The following GABRB1 variants were observed in gnomAD, a reference collection of about 807,000 sequenced individuals.
GABRB1 encodes the protein gamma-aminobutyric acid type A receptor subunit beta1, also known as gamma-aminobutyric acid receptor subunit beta-1.
Under a neutral mutation model 51.6 loss-of-function variants are expected in GABRB1, and 17 were observed. The ratio of observed to expected loss-of-function variants is 0.33; its 90% CI spans 0.23 to 0.49. The LOEUF (loss-of-function observed/expected upper bound fraction) is 0.49. GABRB1 is among the 20% of genes least tolerant of loss of function. The pLI is 0.99. For missense variants in GABRB1, 410 were observed against 600.6 expected (o/e 0.68, Z 3.32); for synonymous variants, 247 against 218.9 (o/e 1.13, Z -1.14).
intron 5 of GABRB1, among the ~76,000 whole-genome samples, chr4:47,397,054 T>C (rs1728200611): frequency 6.6e-6 from 1 of 152,326 alleles, no homozygotes; most frequent in South Asian, 2.1e-4. Context: ...CATTAACCCT[T>C]GTCTTAAATA....
At chr4:47,264,824 AG>A (rs1029568542) in intron 4 of GABRB1, among the ~76,000 whole-genome samples, 2 of 152,174 alleles carry the variant, frequency 1.3e-5, no homozygotes, top group African/African-American at 4.8e-5. Context: ...CTCTTTGCCC[AG>A]GACCTTCAAG....
intron 5 of GABRB1, among the ~76,000 whole-genome samples, chr4:47,350,620 G>T (rs1385448232): frequency 6.6e-6 from 1 of 151,582 alleles, no homozygotes; most frequent in Non-Finnish European, 1.5e-5. Flanking sequence ...ATTATATCAA[G>T]ATAGAAAAAA....
At chr4:47,051,782 A>G (rs560476523) in intron 3 of GABRB1, among the ~76,000 whole-genome samples, 1 of 152,308 alleles carries the variant, frequency 6.6e-6, no homozygotes, top group African/African-American at 2.4e-5. Context: ...TAAAGGCTTC[A>G]GGTTAATTTA....
At chr4:47,205,976 C>G (rs1720101705) in intron 4 of GABRB1, among the ~76,000 whole-genome samples, 1 of 151,880 alleles carries the variant, frequency 6.6e-6, no homozygotes, top group Non-Finnish European at 1.5e-5. Flanking sequence ...TTAGCTAAGA[C>G]CTTACAGGTT....
intron 1 of GABRB1, among the ~76,000 whole-genome samples, chr4:47,019,623 C>CTT (rs1724853312): frequency 1.2e-4 from 12 of 96,396 alleles, no homozygotes; most frequent in Admixed American, 3.1e-4. Context: ...CTTTCTTTCT[C>CTT]TCTCTTTCTT....
chr4:47,114,029 C>T (rs182195776), intron 3 of GABRB1, among the ~76,000 whole-genome samples: 3 of 152,266 alleles, frequency 2.0e-5, no homozygotes, highest in South Asian at 2.1e-4. Flanking sequence ...CTTCTGCTTC[C>T]GTGGTTAGGG....
chr4:47,192,650 A>G (rs1719485562), intron 4 of GABRB1, among the ~76,000 whole-genome samples: 1 of 152,190 alleles, frequency 6.6e-6, no homozygotes, highest in South Asian at 2.1e-4. Flanking sequence ...GGAATGTGAG[A>G]TTTTGCTCTC....
At chr4:47,099,676 G>A (rs976392795) in intron 3 of GABRB1, among the ~76,000 whole-genome samples, 2 of 151,910 alleles carry the variant, frequency 1.3e-5, no homozygotes, top group Non-Finnish European at 2.9e-5. Context: ...ATCACACCTG[G>A]GGAAAAGTCT....
intron 3 of GABRB1, among the ~76,000 whole-genome samples, chr4:47,036,248 CTGT>C (rs1438631791): frequency 2.0e-5 from 3 of 152,258 alleles, no homozygotes; most frequent in South Asian, 2.1e-4. Flanking sequence ...TTCACTGTTT[CTGT>C]TGTTGTGGTT....
At chr4:47,396,038 C>T (rs1397630875) in intron 5 of GABRB1, among the ~76,000 whole-genome samples, 1 of 152,124 alleles carries the variant, frequency 6.6e-6, no homozygotes, top group East Asian at 1.9e-4. Flanking sequence ...AACCACTCTT[C>T]TGTCGGAGGA....
intron 3 of GABRB1, among the ~76,000 whole-genome samples, chr4:47,040,384 A>G (rs1009056798): frequency 1.3e-5 from 2 of 152,132 alleles, no homozygotes; most frequent in East Asian, 1.9e-4. Context: ...AGTACTTTCC[A>G]TAGGAATAGA....
intron 3 of GABRB1, among the ~76,000 whole-genome samples, chr4:47,061,418 G>A (rs112610117): frequency 3.2e-4 from 48 of 152,168 alleles, no homozygotes; most frequent in African/African-American, 1.2e-3. Context: ...GGGAAAAGAG[G>A]GCTGGTTGAG....
intron 4 of GABRB1, among the ~76,000 whole-genome samples, chr4:47,210,163 C>T (rs1397862580): frequency 6.6e-6 from 1 of 151,956 alleles, no homozygotes; most frequent in Non-Finnish European, 1.5e-5. Context: ...AAAAGAATAC[C>T]TATTAATGGT....
intron 8 of GABRB1, among the ~76,000 whole-genome samples, chr4:47,414,163 A>G (rs1728843092): frequency 6.6e-6 from 1 of 152,250 alleles, no homozygotes; most frequent in Non-Finnish European, 1.5e-5. Context: ...CCAAAGATTC[A>G]TTCTGTGAAC....
At chr4:47,037,557 GTT>G (rs11436333) in intron 3 of GABRB1, among the ~76,000 whole-genome samples, 1 of 143,796 alleles carries the variant, frequency 7.0e-6, no homozygotes, top group Non-Finnish European at 1.5e-5. Flanking sequence ...GTTGTTTTTT[GTT>G]TTTTTTTTTT....
intron 5 of GABRB1, among the ~76,000 whole-genome samples, chr4:47,390,515 A>G (rs1419526639): frequency 6.6e-6 from 1 of 152,234 alleles, no homozygotes; most frequent in Non-Finnish European, 1.5e-5. Context: ...ATACTTCTAC[A>G]ATTGTACTAA....
In GABRB1 at chr4:47,406,880, A is replaced by T. The variant is rs1728590964; in HGVS notation, c.1034A>T (p.Asp345Val). The change falls in exon 8 of 9, where the codon GAC becomes GTC. Residue 345 changes from aspartate (D) to valine (V), a missense_variant. Coordinates refer to ENST00000295454, the MANE Select transcript of GABRB1 (RefSeq NM_000812.4). ...CAGAAAAAGGGAGCTAGCAAACAAG[A>T]CCAGAGTGCCAATGAGAAGAATAAA... The part of the protein sequence containing the change: ...GPQKKGASKQ[D>V]QSANEKNKLE... 1 of 1,614,012 alleles carries T rather than the reference A, an allele frequency of 6.2e-7. No homozygotes were observed. Among genetic ancestry groups the T allele is most frequent in the South Asian group, 1.1e-5 (1 of 91,082 alleles).
chr4:47,154,287 C>T (rs12501039), intron 3 of GABRB1, among the ~76,000 whole-genome samples: 100,297 of 143,556 alleles, frequency 0.7, 35,028 homozygotes, highest in Middle Eastern at 0.84. Flanking sequence ...TCCTAAGGGG[C>T]GTTTCTTTTT....
intron 4 of GABRB1, among the ~76,000 whole-genome samples, chr4:47,237,112 A>C (rs568271052): frequency 9.9e-5 from 15 of 152,186 alleles, no homozygotes; most frequent in Admixed American, 7.8e-4. Flanking sequence ...ATAGCAATAC[A>C]TAGCCATAAC....
Sources: gnomAD v4.1 joint callset for allele counts (sites outside exome capture counted in the v4.1 genomes callset) on GRCh38, gnomAD v4.1.1 for gene constraint, MANE v1.5 for transcripts, NCBI Gene and HGNC (gene_info 2026-07-23, HGNC 2026-07-21) for gene names.